The following COMMD1 variants were observed in gnomAD, a reference collection of about 807,000 sequenced individuals.
COMMD1 encodes the protein COMM domain-containing protein 1.
In COMMD1, 10 loss-of-function variants were observed where a neutral mutation model predicts 17.2. The observed-to-expected ratio is 0.58, with a 90% CI of 0.36 to 0.99. The LOEUF is 0.99. Among genes scored for constraint, COMMD1 ranks in the 50% least tolerant of loss-of-function variants. COMMD1 has a pLI of 0.01. For missense variants in COMMD1, 270 were observed against 231.8 expected (o/e 1.17, Z -1.07); for synonymous variants, 97 against 91.6 (o/e 1.06, Z -0.34).
intron 1 of COMMD1, among the ~76,000 whole-genome samples, chr2:61,906,745 T>C (rs181502366): frequency 2.0e-4 from 30 of 151,834 alleles, no homozygotes; most frequent in African/African-American, 6.5e-4. Flanking sequence ...ATTTGTTTCT[T>C]GAAAAAAAAA....
chr2:61,920,877 TTA>T (rs1010288127), intron 1 of COMMD1, among the ~76,000 whole-genome samples: 3 of 149,654 alleles, frequency 2.0e-5, no homozygotes, highest in African/African-American at 7.3e-5. Flanking sequence ...GTATATATGT[TTA>T]TATATATATA....
At chr2:62,052,474 T>C (rs780060164) in intron 2 of COMMD1, among the ~76,000 whole-genome samples, 23 of 152,204 alleles carry the variant, frequency 1.5e-4, no homozygotes, top group Non-Finnish European at 3.1e-4. Flanking sequence ...TGCTTGGGTA[T>C]GATCCTTGTC....
chr2:61,989,221 C>T (rs1672181587), intron 1 of COMMD1, among the ~76,000 whole-genome samples: 2 of 152,152 alleles, frequency 1.3e-5, no homozygotes, highest in Admixed American at 1.3e-4. Flanking sequence ...CTCTGCCTCC[C>T]AGGGCCTAGA....
At chr2:61,907,472 C>T (rs548561880) in intron 1 of COMMD1, among the ~76,000 whole-genome samples, 4 of 152,256 alleles carry the variant, frequency 2.6e-5, no homozygotes, top group South Asian at 2.1e-4. Context: ...GAAAATTTGA[C>T]ATCTGGGTTT....
At chr2:62,003,457 T>C (rs560194904) in intron 2 of COMMD1, among the ~76,000 whole-genome samples, 1 of 150,324 alleles carries the variant, frequency 6.7e-6, no homozygotes, top group Admixed American at 6.6e-5. Flanking sequence ...AGGAGAATGG[T>C]GTGAACCCAG....
rs976051455 is a variant in COMMD1, at chr2:62,005,140, G to A, written c.462+4158G>A. On this transcript the variant is annotated intron_variant, in intron 2 of 2. Transcript: ENST00000311832. ...TCTGTGGGGATGGAACATAGGTATC[G>A]TTATTCTTTAAAGCTGCCCAGATGA... is the stretch of plus-strand genomic sequence containing the variant. Among the ~76,000 whole-genome samples the A allele has an allele frequency of 5.3e-5, 8 of 152,156 alleles. No individual in the cohort carries two copies. In the East Asian group the frequency reaches 9.6e-4, roughly 18 times the overall value.
At chr2:61,899,238 A>C (rs1378929440) in intron 1 of COMMD1, among the ~76,000 whole-genome samples, 1 of 152,190 alleles carries the variant, frequency 6.6e-6, no homozygotes. Flanking sequence ...CCCATATGGA[A>C]GATGTCCTCC....
intron 2 of COMMD1, among the ~76,000 whole-genome samples, chr2:62,053,036 C>T (rs975858304): frequency 6.6e-6 from 1 of 152,152 alleles, no homozygotes; most frequent in African/African-American, 2.4e-5. Flanking sequence ...GCTGTGATCA[C>T]ACCACTGCAC....
At position 61,997,253 on chromosome 2, in the gene COMMD1, G is replaced by A. The variant is rs139575926; in HGVS notation, c.181-3448G>A. 9.9e-5 allele frequency among the ~76,000 whole-genome samples: 15 copies of A among 151,830 alleles called. 1 individual carries two copies. The highest frequency in any genetic ancestry group is 3.4e-3 in the Middle Eastern group (1 of 294). ...TTTTTTGTATTTTTTGTAAAAACGT[G>A]GTCTTGCCATGTTGCCCAGAATGGT... On this transcript the variant is annotated intron_variant, in intron 1 of 2. Transcript: ENST00000311832.
At chr2:62,042,109 A>T (rs1670229231) in intron 2 of COMMD1, among the ~76,000 whole-genome samples, 1 of 152,144 alleles carries the variant, frequency 6.6e-6, no homozygotes, top group South Asian at 2.1e-4. Flanking sequence ...CAGAGAGCTG[A>T]TTGGTCTGTT....
chr2:62,018,314 C>T (rs1669511754), intron 2 of COMMD1, among the ~76,000 whole-genome samples: 2 of 152,144 alleles, frequency 1.3e-5, no homozygotes, highest in East Asian at 1.9e-4. Context: ...ATTAGGCATG[C>T]TGGACAAACA....
At chr2:61,972,435 T>G (rs1216784916) in intron 1 of COMMD1, among the ~76,000 whole-genome samples, 1 of 152,182 alleles carries the variant, frequency 6.6e-6, no homozygotes, top group East Asian at 1.9e-4. Context: ...TAACTCTCTA[T>G]TCTTATGGGT....
At chr2:61,957,899 G>GA (rs542795055) in intron 1 of COMMD1, among the ~76,000 whole-genome samples, 9 of 150,354 alleles carry the variant, frequency 6.0e-5, no homozygotes, top group South Asian at 2.1e-4. Context: ...AGGGAAAGAG[G>GA]AAAAAAAAAT....
intron 2 of COMMD1, among the ~76,000 whole-genome samples, chr2:62,092,320 T>C (rs1180296368): frequency 3.3e-5 from 5 of 152,136 alleles, no homozygotes; most frequent in Non-Finnish European, 7.4e-5. Flanking sequence ...GGGAGTTATT[T>C]GAGGGTTCAT....
At chr2:61,943,181 A>G (rs1278589474) in intron 1 of COMMD1, among the ~76,000 whole-genome samples, 1 of 152,210 alleles carries the variant, frequency 6.6e-6, no homozygotes, top group Admixed American at 6.5e-5. Flanking sequence ...TTCTTGATGT[A>G]ATTTGCCCAT....
intron 2 of COMMD1, among the ~76,000 whole-genome samples, chr2:62,028,170 A>G (rs1216430291): frequency 2.0e-5 from 3 of 152,162 alleles, no homozygotes; most frequent in East Asian, 1.9e-4. Context: ...GACTTCAGTA[A>G]TTGTGGCTTT....
intron 1 of COMMD1, among the ~76,000 whole-genome samples, chr2:61,926,880 G>A (rs2105202161): frequency 6.6e-6 from 1 of 152,168 alleles, no homozygotes; most frequent in Admixed American, 6.5e-5. Context: ...AGGTGCCTCT[G>A]TGATTTGTTT....
chr2:61,993,318 A>G (rs1668646974), intron 1 of COMMD1, among the ~76,000 whole-genome samples: 1 of 152,222 alleles, frequency 6.6e-6, no homozygotes. Context: ...GAACTTGACA[A>G]CTGAAAGTTA....
chr2:62,059,668 A>G (rs1670803844), intron 2 of COMMD1, among the ~76,000 whole-genome samples: 3 of 152,218 alleles, frequency 2.0e-5, no homozygotes, highest in Non-Finnish European at 4.4e-5. Context: ...CCTGGGCTCA[A>G]GAGAGCTTCC....
Sources: gnomAD v4.1 joint callset for allele counts (sites outside exome capture counted in the v4.1 genomes callset) on GRCh38, gnomAD v4.1.1 for gene constraint, MANE v1.5 for transcripts, NCBI Gene and HGNC (gene_info 2026-07-23, HGNC 2026-07-21) for gene names.